Variants in ATG7 observed in about 807,000 individuals in gnomAD.
The protein encoded by ATG7 is autophagy related 7.
A neutral mutation model predicts 82.4 loss-of-function variants in ATG7; 70 were observed. That is an observed-to-expected ratio of 0.85 (90% CI 0.70 to 1.04). The LOEUF is 1.04. Ranked by LOEUF, ATG7 falls within the 50% of genes least tolerant of loss-of-function variation. The pLI is 0.00. For missense variants in ATG7, 792 were observed against 864.3 expected (o/e 0.92, Z 1.05); for synonymous variants, 287 against 313.0 (o/e 0.92, Z 0.88).
At chr3:11,358,906 T>A (rs1203639978) in intron 15 of ATG7, among the ~76,000 whole-genome samples, 1 of 152,236 alleles carries the variant, frequency 6.6e-6, no homozygotes, top group East Asian at 1.9e-4. Flanking sequence ...TTGGTCTTAT[T>A]CACCACTACT....
chr3:11,485,812 T>C (rs577411570), intron 20 of ATG7, among the ~76,000 whole-genome samples: 1 of 152,356 alleles, frequency 6.6e-6, no homozygotes, highest in East Asian at 1.9e-4. Flanking sequence ...CTTTCCCCAT[T>C]GCTTGCTTTT....
chr3:11,384,570 T>G (rs2078170074), intron 19 of ATG7, among the ~76,000 whole-genome samples: 1 of 152,242 alleles, frequency 6.6e-6, no homozygotes, highest in South Asian at 2.1e-4. Flanking sequence ...TGGTAAATCG[T>G]ACTTTGTTTT....
chr3:11,482,855 T>G (rs550667400), intron 20 of ATG7, among the ~76,000 whole-genome samples: 1 of 152,024 alleles, frequency 6.6e-6, no homozygotes, highest in South Asian at 2.1e-4. Context: ...TAAGTATACA[T>G]CTCACTGAAT....
chr3:11,416,600 TA>T (rs2081393075), intron 19 of ATG7, among the ~76,000 whole-genome samples: 1 of 152,168 alleles, frequency 6.6e-6, no homozygotes, highest in African/African-American at 2.4e-5. Flanking sequence ...TCTCTCTTTT[TA>T]TCTTAGTCTA....
At chr3:11,404,031 C>T (rs894114855) in intron 19 of ATG7, among the ~76,000 whole-genome samples, 2 of 151,824 alleles carry the variant, frequency 1.3e-5, no homozygotes, top group African/African-American at 2.4e-5. Context: ...GATTTTTGAC[C>T]TACAATAGTA....
chr3:11,411,682 C>G (rs979013090), intron 19 of ATG7, among the ~76,000 whole-genome samples: 1 of 144,870 alleles, frequency 6.9e-6, no homozygotes, highest in Non-Finnish European at 1.5e-5. Flanking sequence ...ATTATTTTGT[C>G]CCATTCCAGA....
chr3:11,560,348 A>G (rs1302166978), downstream of ATG7, among the ~76,000 whole-genome samples: 3 of 152,212 alleles, frequency 2.0e-5, no homozygotes, highest in African/African-American at 7.2e-5. Context: ...GTATCTTCCA[A>G]TACCCCCGAG....
chr3:11,343,011 C>G lies in ATG7; in HGVS notation c.1125+732C>G, dbSNP rs147998182. Among the ~76,000 whole-genome samples the G allele has an allele frequency of 2.2e-4, 33 of 151,986 alleles. No homozygotes were observed. The East Asian group carries it at 4.7e-3, about 21-fold the overall frequency. On this transcript the variant is annotated intron_variant, in intron 13 of 20. Coordinates refer to ENST00000693202, the MANE Select transcript of ATG7 (RefSeq NM_001349232.2). The stretch of plus-strand genomic sequence containing the variant: ...GTGGCATGATCTCAGCTCACTGCAA[C>G]CTCCACCTCCTGAGTTCAGCGATTC...
At chr3:11,345,424 G>T (rs553937308) in intron 13 of ATG7, among the ~76,000 whole-genome samples, 46 of 152,064 alleles carry the variant, frequency 3.0e-4, no homozygotes, top group African/African-American at 1.0e-3. Context: ...TAAAATAAAA[G>T]AATTTTGTTG....
In ATG7 at chr3:11,483,339, T is replaced by C. The variant is rs558926803; in HGVS notation, c.2079+56413T>C. 1.8e-3 allele frequency among the ~76,000 whole-genome samples: 275 copies of C among 152,316 alleles called. 1 individual carries two copies. The highest frequency in any genetic ancestry group is 3.0e-3 in the Non-Finnish European group (201 of 68,028). On this transcript the variant is annotated intron_variant, in intron 20 of 20. Transcript: ENST00000693202. ...CTGCCCAAAATCACCATATAGTCTT[T>C]CTAAGAAGAATCAGACTGTGGTTCT...
intron 20 of ATG7, among the ~76,000 whole-genome samples, chr3:11,512,867 C>T (rs933548827): frequency 6.6e-6 from 1 of 152,182 alleles, no homozygotes; most frequent in Non-Finnish European, 1.5e-5. Flanking sequence ...TTACAGAGAG[C>T]TGATTGGTCC....
chr3:11,475,585 C>T (rs1053639399), intron 20 of ATG7, among the ~76,000 whole-genome samples: 2 of 152,092 alleles, frequency 1.3e-5, no homozygotes, highest in East Asian at 1.9e-4. Context: ...AAAACAGACG[C>T]GGATGCTACC....
At chr3:11,388,515 G>A (rs577451553) in intron 19 of ATG7, among the ~76,000 whole-genome samples, 10 of 150,030 alleles carry the variant, frequency 6.7e-5, no homozygotes, top group African/African-American at 1.5e-4. Context: ...TGCAAGCTCC[G>A]CCTCCCAGGT....
At chr3:11,537,185 G>A (rs768693068) in intron 20 of ATG7, among the ~76,000 whole-genome samples, 1 of 152,024 alleles carries the variant, frequency 6.6e-6, no homozygotes, top group Admixed American at 6.5e-5. Flanking sequence ...ACTCCTGGAC[G>A]GGCTGGCTCC....
At chr3:11,487,138 C>T (rs2089776203) in intron 20 of ATG7, among the ~76,000 whole-genome samples, 1 of 146,680 alleles carries the variant, frequency 6.8e-6, no homozygotes, top group South Asian at 2.2e-4. Flanking sequence ...TTTCAGAGAG[C>T]ACAGGGTTGG....
chr3:11,338,911 A>G (rs1160369908), intron 11 of ATG7, among the ~76,000 whole-genome samples: 2 of 152,114 alleles, frequency 1.3e-5, no homozygotes, highest in East Asian at 1.9e-4. Flanking sequence ...GGGCAATACT[A>G]TTTTTTTAAA....
At chr3:11,566,940 G>A in the ATG7 span, among the ~76,000 whole-genome samples, 18 of 152,184 alleles carry the variant, frequency 1.2e-4, no homozygotes, top group Admixed American at 1.1e-3. Flanking sequence ...GGCAGGTATC[G>A]TGGAGTGGAA....
chr3:11,535,927 A>T (rs2070249239), intron 20 of ATG7, among the ~76,000 whole-genome samples: 2 of 152,192 alleles, frequency 1.3e-5, no homozygotes, highest in South Asian at 4.1e-4. Flanking sequence ...TAGCAGAGAA[A>T]AGATGATTCC....
chr3:11,311,464 T>A (rs1006492586), intron 7 of ATG7, among the ~76,000 whole-genome samples: 1 of 151,848 alleles, frequency 6.6e-6, no homozygotes, highest in Admixed American at 6.6e-5. Context: ...AAAAATTAGC[T>A]GTGCATGGCA....
Sources: allele counts gnomAD v4.1 joint callset (sites outside exome capture counted in the v4.1 genomes callset), GRCh38; gene constraint gnomAD v4.1.1; transcripts MANE v1.5; gene names NCBI Gene and HGNC (gene_info 2026-07-23, HGNC 2026-07-21).